EBF1: variants seen among roughly 807,000 people sequenced by gnomAD.
EBF1 encodes the protein transcription factor COE1.
In EBF1, 10 loss-of-function variants were observed where a neutral mutation model predicts 68.4. The observed-to-expected ratio is 0.15, with a 90% CI of 0.09 to 0.25. The LOEUF (loss-of-function observed/expected upper bound fraction) is 0.25. Ranked by LOEUF, EBF1 falls within the 10% of genes least tolerant of loss-of-function variation. EBF1 has a pLI of 1.00. For synonymous variants in EBF1, 298 were observed against 299.8 expected (o/e 0.99, Z 0.06); for missense variants, 509 against 794.4 (o/e 0.64, Z 4.32).
intron 11 of EBF1, among the ~76,000 whole-genome samples, chr5:158,724,192 G>GT (rs1217715254): frequency 2.6e-5 from 4 of 152,128 alleles, no homozygotes; most frequent in South Asian, 2.1e-4. Flanking sequence ...ACTCAGGCAT[G>GT]TTTTTTCTAA....
chr5:158,908,395 CAAT>C (rs1444053854), intron 6 of EBF1, among the ~76,000 whole-genome samples: 2 of 152,158 alleles, frequency 1.3e-5, no homozygotes, highest in Admixed American at 1.3e-4. Flanking sequence ...TGAGGGGTGT[CAAT>C]AAGTTGTTAT....
rs1360218956 is a variant in EBF1, at chr5:158,698,641, CTTTTTTTTTTTTCCTTTTTTTCTTTT to C, written c.*444_*469del. 1.8e-5 allele frequency: 3 copies of C among 171,054 alleles called. No individual in the cohort carries two copies. The allele number at this position is 171,054 out of a possible 1,614,324, so 10.6% of individuals were successfully genotyped here. On this transcript the variant is annotated 3_prime_UTR_variant, in exon 16 of 16. Coordinates refer to ENST00000313708, the MANE Select transcript of EBF1 (RefSeq NM_024007.5). ...GCATTCCTATTCTGTCCCATACAAGCTTTTTTTTTTTTCCTTTTTTTCTTTTTTTTTTTTTTTACTTTTTTGTAAAT... is the reference window on the plus strand; with the variant it reads ...GCATTCCTATTCTGTCCCATACAAGCTTTTTTTTTTTACTTTTTTGTAAAT...
chr5:159,005,485 T>C (rs994630331), intron 6 of EBF1, among the ~76,000 whole-genome samples: 1 of 152,234 alleles, frequency 6.6e-6, no homozygotes, highest in African/African-American at 2.4e-5. Flanking sequence ...TTGAAAATGA[T>C]ATTTGTAACC....
chr5:159,086,753 C>T (rs1466559537), intron 4 of EBF1, among the ~76,000 whole-genome samples: 1 of 152,092 alleles, frequency 6.6e-6, no homozygotes, highest in African/African-American at 2.4e-5. Flanking sequence ...AAAGTTATTA[C>T]TTTACCCTAT....
At chr5:158,762,806 A>G (rs1283093042) in intron 10 of EBF1, among the ~76,000 whole-genome samples, 1 of 152,180 alleles carries the variant, frequency 6.6e-6, no homozygotes, top group Non-Finnish European at 1.5e-5. Context: ...AAGTGCTGGG[A>G]TTACAAGCGT....
intron 6 of EBF1, among the ~76,000 whole-genome samples, chr5:158,980,451 C>T (rs953915155): frequency 1.3e-5 from 2 of 152,196 alleles, no homozygotes; most frequent in South Asian, 2.1e-4. Context: ...AGGCCAGATC[C>T]GCAGCCAAGA....
At chr5:158,792,803 C>T (rs78703938) in intron 9 of EBF1, among the ~76,000 whole-genome samples, 3,310 of 152,250 alleles carry the variant, frequency 0.022, 60 homozygotes, top group Non-Finnish European at 0.03. Context: ...AAGATAAATT[C>T]TACCTAGAAT....
chr5:158,738,571 A>G (rs548162341), intron 10 of EBF1, among the ~76,000 whole-genome samples: 7 of 152,198 alleles, frequency 4.6e-5, no homozygotes, highest in African/African-American at 7.2e-5. Context: ...GTCATATAAG[A>G]CTCTTTTTCC....
Position 158,905,695 on chromosome 5 carries a change from C to T in EBF1, c.555-65585G>A, listed in dbSNP as rs1370243804. ...TTTGTCTTCTGCTTTTATTAAACTA[C>T]CATAAACCATTTTTTCTTGCTCATT... is the stretch of plus-strand genomic sequence containing the variant. On this transcript the variant is annotated intron_variant, in intron 6 of 15. Coordinates refer to ENST00000313708, the MANE Select transcript of EBF1 (RefSeq NM_024007.5). 1.3e-5 allele frequency among the ~76,000 whole-genome samples: 2 copies of T among 152,274 alleles called. 1 individual carries two copies. The highest frequency in any genetic ancestry group is 3.9e-4 in the East Asian group (2 of 5,186).
intron 6 of EBF1, among the ~76,000 whole-genome samples, chr5:158,860,142 CTTATTT>C (rs1212838431): frequency 6.6e-6 from 1 of 152,162 alleles, no homozygotes; most frequent in Non-Finnish European, 1.5e-5. Context: ...TACAATTATT[CTTATTT>C]TTAAAGTTAC....
intron 6 of EBF1, among the ~76,000 whole-genome samples, chr5:159,046,825 A>G (rs1772503548): frequency 6.6e-6 from 1 of 152,160 alleles, no homozygotes; most frequent in Non-Finnish European, 1.5e-5. Flanking sequence ...AGTGTTTGCC[A>G]ATTTCTATGG....
intron 6 of EBF1, among the ~76,000 whole-genome samples, chr5:158,898,322 G>A (rs1802574074): frequency 6.6e-6 from 1 of 152,042 alleles, no homozygotes; most frequent in African/African-American, 2.4e-5. Context: ...TCAGACTTAA[G>A]AATTTCTGAC....
chr5:158,782,406 C>A (rs1776609462), intron 9 of EBF1, among the ~76,000 whole-genome samples: 1 of 152,080 alleles, frequency 6.6e-6, no homozygotes, highest in Non-Finnish European at 1.5e-5. Context: ...CATCTGTAAT[C>A]TCAACAGTTT....
intron 9 of EBF1, among the ~76,000 whole-genome samples, chr5:158,787,834 A>G (rs1264803407): frequency 2.6e-5 from 4 of 152,218 alleles, no homozygotes; most frequent in African/African-American, 9.6e-5. Context: ...ATTACTACTC[A>G]ATCTTCACCA....
Position 158,811,102 on chromosome 5 carries a change from T to C in EBF1, c.778+12074A>G, listed in dbSNP as rs951440. ...ACCACCTAATTTCTATAAAGTATCA[T>C]TTCTGTCCACTGAGTATTTCAAGTT... On this transcript the variant is annotated intron_variant, in intron 8 of 15. Transcript: ENST00000313708. 7.8e-3 allele frequency among the ~76,000 whole-genome samples: 1,193 copies of C among 152,272 alleles called. 22 individuals carry two copies. The highest frequency in any genetic ancestry group is 0.027 in the African/African-American group (1,129 of 41,556).
At chr5:158,963,242 G>A (rs79590650) in intron 6 of EBF1, among the ~76,000 whole-genome samples, 5,968 of 152,160 alleles carry the variant, frequency 0.039, 396 homozygotes, top group African/African-American at 0.14. Context: ...CTAAAGAAAG[G>A]TTCTCTACAC....
intron 2 of EBF1, 57 bp downstream of exon 2, chr5:159,096,917 C>A: frequency 6.3e-7 from 1 of 1,589,896 alleles, no homozygotes; most frequent in Non-Finnish European, 8.5e-7. Context: ...CCAAGGCTCC[C>A]GGGCCTGCTC....
chr5:159,081,546 C>G (rs1046719862), intron 5 of EBF1, among the ~76,000 whole-genome samples: 5 of 152,130 alleles, frequency 3.3e-5, no homozygotes, highest in Admixed American at 2.0e-4. Flanking sequence ...AGGCTGAGAG[C>G]CAGGGATGCT....
intron 6 of EBF1, among the ~76,000 whole-genome samples, chr5:158,880,402 T>C (rs1338026354): frequency 6.6e-6 from 1 of 151,932 alleles, no homozygotes; most frequent in African/African-American, 2.4e-5. Flanking sequence ...AGAAAGAAAA[T>C]TTCGAAAAAT....
Sources: allele counts gnomAD v4.1 joint callset (sites outside exome capture counted in the v4.1 genomes callset), GRCh38; gene constraint gnomAD v4.1.1; transcripts MANE v1.5; gene names NCBI Gene and HGNC (gene_info 2026-07-23, HGNC 2026-07-21).